The following HCN1 variants were observed in gnomAD, a reference collection of about 807,000 sequenced individuals.
HCN1 encodes hyperpolarization activated cyclic nucleotide gated potassium channel 1, also known as potassium/sodium hyperpolarization-activated cyclic nucleotide-gated channel 1.
HCN1 carries 13 observed loss-of-function variants against 78.9 expected under a neutral mutation model. The ratio of observed to expected loss-of-function variants is 0.16; its 90% CI spans 0.11 to 0.26. The LOEUF is 0.26. Ranked by LOEUF, HCN1 falls within the 10% of genes least tolerant of loss-of-function variation. The pLI is 1.00. For missense variants in HCN1, 810 were observed against 1,154.3 expected, an observed-to-expected ratio of 0.70 and a Z score of 4.32; for synonymous variants, 552 against 455.5, an observed-to-expected ratio of 1.21 and a Z score of -2.70.
chr5:45,352,098 T>A (rs1485156892), intron 5 of HCN1, among the ~76,000 whole-genome samples: 2 of 152,168 alleles, frequency 1.3e-5, no homozygotes, highest in African/African-American at 4.8e-5. Flanking sequence ...GCGGCACTAT[T>A]CCCAATAGCA....
chr5:45,358,075 T>A (rs1456595331), intron 4 of HCN1, among the ~76,000 whole-genome samples: 1 of 152,062 alleles, frequency 6.6e-6, no homozygotes, highest in Non-Finnish European at 1.5e-5. Context: ...ACTTGAACTT[T>A]CCAGCCATCA....
At chr5:45,582,647 G>C (rs1273918753) in intron 2 of HCN1, among the ~76,000 whole-genome samples, 1 of 152,160 alleles carries the variant, frequency 6.6e-6, no homozygotes, top group Non-Finnish European at 1.5e-5. Context: ...GTATGATATT[G>C]GCTGTGGGTT....
At chr5:45,402,865 T>TTCC (rs1739850303) in intron 3 of HCN1, among the ~76,000 whole-genome samples, 1 of 138,036 alleles carries the variant, frequency 7.2e-6, no homozygotes, top group Non-Finnish European at 1.6e-5. Flanking sequence ...CCTTCCTTCC[T>TTCC]CTACTTCCTT....
chr5:45,582,462 G>A (rs1744102386), intron 2 of HCN1, among the ~76,000 whole-genome samples: 1 of 152,114 alleles, frequency 6.6e-6, no homozygotes, highest in Non-Finnish European at 1.5e-5. Flanking sequence ...CATGTCATCT[G>A]CAAACAGGGA....
At chr5:45,447,104 A>T (rs1218476250) in intron 3 of HCN1, among the ~76,000 whole-genome samples, 1 of 152,232 alleles carries the variant, frequency 6.6e-6, no homozygotes, top group Non-Finnish European at 1.5e-5. Context: ...TTGGATAAAG[A>T]GTCAAGACCC....
intron 2 of HCN1, among the ~76,000 whole-genome samples, chr5:45,530,412 T>TTATATA (rs59818959): frequency 1.8e-4 from 27 of 148,734 alleles, no homozygotes; most frequent in African/African-American, 6.6e-4. Context: ...GATTGTGTTT[T>TTATATA]TATATATATA....
intron 2 of HCN1, among the ~76,000 whole-genome samples, chr5:45,622,896 A>G (rs1174812240): frequency 6.6e-6 from 1 of 152,220 alleles, no homozygotes; most frequent in Non-Finnish European, 1.5e-5. Context: ...TCTGGTATTT[A>G]TCAAAGGACA....
intron 3 of HCN1, among the ~76,000 whole-genome samples, chr5:45,433,106 A>G (rs2112079015): frequency 6.6e-6 from 1 of 152,252 alleles, no homozygotes; most frequent in South Asian, 2.1e-4. Flanking sequence ...GGGAATTATG[A>G]GAGCTATAAT....
chr5:45,693,715 C>A (rs1291947684), intron 1 of HCN1, among the ~76,000 whole-genome samples: 2 of 152,038 alleles, frequency 1.3e-5, no homozygotes, highest in Non-Finnish European at 2.9e-5. Context: ...TGAAAAGTGG[C>A]CCTATGTTTT....
intron 2 of HCN1, among the ~76,000 whole-genome samples, chr5:45,571,096 T>G (rs576648708): frequency 1.3e-5 from 2 of 152,296 alleles, no homozygotes; most frequent in South Asian, 4.1e-4. Context: ...TAATTAAATA[T>G]GCTTAGTTTC....
intron 1 of HCN1, among the ~76,000 whole-genome samples, chr5:45,648,993 C>T (rs1461138362): frequency 6.6e-6 from 1 of 151,964 alleles, no homozygotes; most frequent in East Asian, 1.9e-4. Context: ...ATATGGCCTC[C>T]TCCTGCCTTT....
chr5:45,317,518 A>G (rs1365494523), intron 5 of HCN1, among the ~76,000 whole-genome samples: 1 of 144,448 alleles, frequency 6.9e-6, no homozygotes, highest in Non-Finnish European at 1.5e-5. Context: ...GGACTTCATG[A>G]CTAAAACACC....
chr5:45,332,409 T>A (rs1414257020), intron 5 of HCN1, among the ~76,000 whole-genome samples: 2 of 151,480 alleles, frequency 1.3e-5, no homozygotes, highest in Non-Finnish European at 3.0e-5. Flanking sequence ...CTTGCTGTGC[T>A]GTTAAATACT....
chr5:45,664,293 C>T (rs888311381), intron 1 of HCN1, among the ~76,000 whole-genome samples: 1 of 119,094 alleles, frequency 8.4e-6, no homozygotes, highest in African/African-American at 3.3e-5. Context: ...GAATATCACA[C>T]TCTGGGGACT....
chr5:45,461,509 G>A (rs561572765), intron 3 of HCN1, among the ~76,000 whole-genome samples: 18 of 152,160 alleles, frequency 1.2e-4, no homozygotes, highest in African/African-American at 4.1e-4. Flanking sequence ...ATGAAATAAG[G>A]CGTTATTCTA....
rs572716509 is a variant in HCN1 at position 45,506,677 on chromosome 5, T to C, written c.850-44670A>G. On this transcript the variant is annotated intron_variant, in intron 2 of 7. Transcript: ENST00000303230. ...TGCTTTGTATTGCTATTTTTATTCA[T>C]GACTAGGAAAGGCTTTAAAGCCTCT... Among the ~76,000 whole-genome samples the C allele has an allele frequency of 1.2e-4, 19 of 152,268 alleles. No individual in the cohort carries two copies. In the South Asian group the frequency reaches 3.1e-3, roughly 25 times the overall value.
At chr5:45,475,092 C>T (rs1471625050) in intron 2 of HCN1, among the ~76,000 whole-genome samples, 1 of 151,840 alleles carries the variant, frequency 6.6e-6, no homozygotes, top group East Asian at 1.9e-4. Context: ...TCTGTTTCTT[C>T]ATTGTTTATC....
chr5:45,352,181 G>T (rs2111981759), intron 5 of HCN1, among the ~76,000 whole-genome samples: 1 of 152,258 alleles, frequency 6.6e-6, no homozygotes, highest in East Asian at 1.9e-4. Context: ...ATACACCATG[G>T]AATACTATGC....
chr5:45,461,137 G>A (rs1053774514), intron 3 of HCN1, among the ~76,000 whole-genome samples: 1 of 151,886 alleles, frequency 6.6e-6, no homozygotes, highest in Non-Finnish European at 1.5e-5. Flanking sequence ...AATATATATA[G>A]AGAGATTTAT....
Sources: gnomAD v4.1 joint callset for allele counts (sites outside exome capture counted in the v4.1 genomes callset) on GRCh38, gnomAD v4.1.1 for gene constraint, MANE v1.5 for transcripts, NCBI Gene and HGNC (gene_info 2026-07-23, HGNC 2026-07-21) for gene names.